CACNA1H: variants seen among roughly 807,000 people sequenced by gnomAD.
CACNA1H encodes calcium voltage-gated channel subunit alpha1 H.
Under a neutral mutation model 192.5 loss-of-function variants are expected in CACNA1H, and 149 were observed. That is an observed-to-expected ratio of 0.77 (90% CI 0.68 to 0.89). The LOEUF is 0.89. Ranked by LOEUF, CACNA1H falls within the 40% of genes least tolerant of loss-of-function variation. The pLI is 0.00. For synonymous variants in CACNA1H, 2,202 were observed against 1,475.2 expected, an observed-to-expected ratio of 1.49 and a Z score of -11.29; for missense variants, 4,257 against 3,423.5, an observed-to-expected ratio of 1.24 and a Z score of -6.08.
intron 2 of CACNA1H, among the ~76,000 whole-genome samples, chr16:1,163,619 T>C (rs1963450971): frequency 6.6e-6 from 1 of 152,198 alleles, no homozygotes; most frequent in Non-Finnish European, 1.5e-5. Context: ...CTGGCTGTGG[T>C]CTGATGAGTC....
intron 26 of CACNA1H, 31 bp from the exon 27 acceptor site, chr16:1,213,749 T>C: frequency 2.0e-6 from 3 of 1,488,858 alleles, no homozygotes; most frequent in Non-Finnish European, 2.7e-6. Flanking sequence ...GCGGCCCTCC[T>C]GCCCGGCGCT....
In CACNA1H at chr16:1,183,275, C is replaced by T. The variant is rs193091317; in HGVS notation, c.300-11697C>T. Among the ~76,000 whole-genome samples the T allele has an allele frequency of 6.4e-3, 980 of 152,290 alleles. 7 individuals carry two copies. Among genetic ancestry groups the T allele is most frequent in the African/African-American group, 0.022 (929 of 41,566 alleles). On this transcript the variant is annotated intron_variant, in intron 2 of 34. Coordinates refer to ENST00000348261, the MANE Select transcript of CACNA1H (RefSeq NM_021098.3). The stretch of plus-strand genomic sequence containing the variant: ...TGCGTCTGATGGCGCCGCGTTCCCC[C>T]AGTTTTCCCCCAGCACAGAGGGGTT...
At chr16:1,160,845 C>G in intron 2 of CACNA1H, among the ~76,000 whole-genome samples, 1 of 152,126 alleles carries the variant, frequency 6.6e-6, no homozygotes, top group East Asian at 1.9e-4. Flanking sequence ...CGTTTGGAGG[C>G]CCCGTGCAGC....
chr16:1,190,366 C>T (rs1365471983), intron 2 of CACNA1H, among the ~76,000 whole-genome samples: 1 of 152,272 alleles, frequency 6.6e-6, no homozygotes, highest in Non-Finnish European at 1.5e-5. Flanking sequence ...CCGTGCGACA[C>T]AGCCGGCAGA....
Position 1,211,267 on chromosome 16 carries a change from C to T in CACNA1H, c.4323C>T (p.Phe1441=). 6.2e-7 allele frequency: 1 copy of T among 1,613,122 alleles called. No individual in the cohort carries two copies. The highest frequency in any genetic ancestry group is 1.1e-5 in the South Asian group (1 of 91,086). The change falls in exon 22 of 35, where the codon TTC becomes TTT. Residue 1441 remains phenylalanine, a synonymous_variant. Coordinates refer to ENST00000348261, the MANE Select transcript of CACNA1H (RefSeq NM_021098.3). ...TCGTCCTCATCTGCTGCGCCTTCTT[C>T]ATCATTTTTGGCATTTTGGGTGTGC... The part of the protein sequence containing the change: ...GNIVLICCAF[F]IIFGILGVQL...
Position 1,218,654 on chromosome 16 carries a change from A to G in CACNA1H, c.5887+3A>G, listed in dbSNP as rs1970230522. 7.7e-7 allele frequency: 1 copy of G among 1,300,706 alleles called. No individual in the cohort carries two copies. The highest frequency in any genetic ancestry group is 1.0e-6 in the Non-Finnish European group (1 of 990,280). 80.6% of individuals were successfully genotyped at this position (1,300,706 alleles called of 1,614,324 possible). On this transcript the variant is annotated splice_donor_region_variant and intron_variant, in intron 33 of 34. Transcript: ENST00000348261. ...CTATGGGGCCGGCACCCCCTTGGGT[A>G]TGGTAGCCAGCAGGAAGATATGGGC...
In CACNA1H at chr16:1,195,487, T is replaced by C. The variant is rs1367338854; in HGVS notation, c.467T>C (p.Val156Ala). The C allele has an allele frequency of 3.8e-6, 6 of 1,592,420 alleles. No individual in the cohort carries two copies. The highest frequency in any genetic ancestry group is 5.1e-6 in the Non-Finnish European group (6 of 1,169,342). Residue 156 changes from valine to alanine, a missense_variant, in exon 4 of 35, where the codon GTG (valine) becomes GCG (alanine). Val to Ala is a moderately conservative substitution (Grantham distance 64). Coordinates refer to ENST00000348261, the MANE Select transcript of CACNA1H (RefSeq NM_021098.3). Reference protein sequence around the residue: ...FFAVEMVIKMVALGLFGQKCY... With the variant: ...FFAVEMVIKMAALGLFGQKCY... ...GCGGTGGAGATGGTCATCAAGATGG[T>C]GGCCTTGGGGCTGTTCGGGCAGAAG...
Position 1,207,406 on chromosome 16 carries a change from C to T in CACNA1H, c.3039C>T (p.Ile1013=), listed in dbSNP as rs1055891812. The T allele has an allele frequency of 2.5e-6, 4 of 1,613,142 alleles. No individual in the cohort carries two copies. The highest frequency in any genetic ancestry group is 2.7e-5 in the African/African-American group (2 of 75,010). The change falls in exon 14 of 35, where the codon ATC becomes ATT. Residue 1013 remains isoleucine (I), a synonymous_variant. Transcript: ENST00000348261. The part of the protein sequence containing the change: ...NYVLFNLLVA[I]LVEGFQAEGD... ...TGCTCTTCAACCTGCTGGTGGCCATCCTCGTGGAGGGCTTCCAGGCGGAGG... is the reference window on the plus strand; with the variant it reads ...TGCTCTTCAACCTGCTGGTGGCCATTCTCGTGGAGGGCTTCCAGGCGGAGG...
rs1379085668 is a variant in CACNA1H at position 1,209,188 on chromosome 16, A to G, written c.3520A>G (p.Ser1174Gly). The part of the protein sequence containing the change: ...ESLLSGEGKG[S>G]TDDEAEDGRA... ...CCTGCTGTCTGGCGAGGGCAAGGGC[A>G]GCACCGACGACGAAGCTGAGGACGG... Residue 1174 changes from serine (S) to glycine (G), a missense_variant, in exon 17 of 35, where the codon AGC becomes GGC. By Grantham distance (56) the Ser-to-Gly change is moderately conservative. Transcript: ENST00000348261. The G allele has an allele frequency of 1.3e-6, 2 of 1,552,786 alleles. No homozygotes were observed. The highest frequency in any genetic ancestry group is 1.7e-6 in the Non-Finnish European group (2 of 1,149,314).
chr16:1,156,065 A>G (rs1962329328), intron 2 of CACNA1H, among the ~76,000 whole-genome samples: 1 of 152,002 alleles, frequency 6.6e-6, no homozygotes, highest in Non-Finnish European at 1.5e-5. Flanking sequence ...CTGGGCTGGG[A>G]GAGAATGGGT....
At chr16:1,160,233 A>G (rs1596293249) in intron 2 of CACNA1H, 1 of 152,134 alleles carries the variant, frequency 6.6e-6, no homozygotes, top group Non-Finnish European at 1.5e-5. Flanking sequence ...GTCAGTGGGC[A>G]TTCCCCTCCC....
intron 2 of CACNA1H, among the ~76,000 whole-genome samples, chr16:1,176,929 G>A (rs574387227): frequency 2.6e-5 from 4 of 152,132 alleles, no homozygotes; most frequent in African/African-American, 7.2e-5. Context: ...AGGATGTTCC[G>A]TGGACAGGGT....
chr16:1,218,924 G>A (rs781128860), intron 33 of CACNA1H, 46 bp from the exon 34 acceptor site: 117 of 1,542,462 alleles, frequency 7.6e-5, no homozygotes, highest in Non-Finnish European at 9.5e-5. Flanking sequence ...CAGCTGGGCA[G>A]GAAGGCAGGG....
intron 14 of CACNA1H, 21 bp from the exon 15 acceptor site, chr16:1,207,749 C>T (rs1346297191): frequency 3.2e-6 from 5 of 1,578,188 alleles, no homozygotes; most frequent in African/African-American, 1.3e-5. Flanking sequence ...TCATGCCTGC[C>T]TTGTGCTTTG....
intron 2 of CACNA1H, among the ~76,000 whole-genome samples, chr16:1,183,375 G>A (rs536044171): frequency 3.9e-5 from 6 of 152,306 alleles, no homozygotes; most frequent in East Asian, 1.9e-4. Flanking sequence ...CGTGGGGGCC[G>A]CCCTCAGCGT....
At position 1,220,939 on chromosome 16, in the gene CACNA1H, C is replaced by T; in HGVS notation, c.7007C>T (p.Pro2336Leu). 1 of 1,608,000 alleles carries T rather than the reference C, an allele frequency of 6.2e-7. No individual in the cohort carries two copies. The highest frequency in any genetic ancestry group is 1.7e-5 in the Admixed American group (1 of 59,420). ...LTVPQCPLEK[P>L]GSPSATPAPG... ...GTCCCCCAGTGTCCTCTGGAGAAAC[C>T]AGGGTCCCCCTCAGCCACCCCTGCC... Residue 2336 changes from proline (P) to leucine (L), a missense_variant, in exon 35 of 35, where the codon CCA becomes CTA. Physicochemically the swap from Pro to Leu is moderately conservative, Grantham distance 98 (BLOSUM62 -3). Coordinates refer to ENST00000348261, the MANE Select transcript of CACNA1H (RefSeq NM_021098.3).
At chr16:1,218,736 C>A in intron 33 of CACNA1H, 85 bp downstream of exon 33, 1 of 1,302,302 alleles carries the variant, frequency 7.7e-7, no homozygotes, top group Non-Finnish European at 1.1e-6. Context: ...AGGATGGGGT[C>A]AGGCCAGAGC....
At chr16:1,185,261 C>T (rs983675745) in intron 2 of CACNA1H, among the ~76,000 whole-genome samples, 1 of 152,220 alleles carries the variant, frequency 6.6e-6, no homozygotes, top group Non-Finnish European at 1.5e-5. Context: ...TGTTGGTGAA[C>T]ACCAGGGCTG....
In CACNA1H at chr16:1,206,426, G is replaced by A. The variant is rs954682569; in HGVS notation, c.2789+137G>A. 43 of 763,164 alleles carry A rather than the reference G, an allele frequency of 5.6e-5. No homozygotes were observed. In the African/African-American group the frequency reaches 6.5e-4, roughly 11 times the overall value. The allele number at this position is 763,164 out of a possible 1,614,324, so 47.3% of individuals were successfully genotyped here. On this transcript the variant is annotated intron_variant, in intron 12 of 34. Transcript: ENST00000348261. ...GAGCATCTGCAGACACTCGGCCTCT[G>A]CTGCCTTCATTTGAGAAGCACTGAT...
Sources: allele counts gnomAD v4.1 joint callset (sites outside exome capture counted in the v4.1 genomes callset), GRCh38; gene constraint gnomAD v4.1.1; transcripts MANE v1.5; gene names NCBI Gene and HGNC (gene_info 2026-07-23, HGNC 2026-07-21).